The following PBRM1 variants were observed in gnomAD, a reference collection of about 807,000 sequenced individuals.
PBRM1 encodes polybromo 1.
A neutral mutation model predicts 194.5 loss-of-function variants in PBRM1; 27 were observed. That is an observed-to-expected ratio of 0.14 (90% CI 0.10 to 0.19). PBRM1 has a LOEUF of 0.19. PBRM1 is among the 10% of genes least tolerant of loss of function. The probability of loss-of-function intolerance (pLI) is 1.00; values close to 1 mark genes in which losing one functional copy is unlikely to be tolerated. For synonymous variants in PBRM1, 655 were observed against 693.2 expected (o/e 0.94, Z 0.87); for missense variants, 1,466 against 2,077.2 (o/e 0.71, Z 5.72).
chr3:52,627,509 T>C, intron 12 of PBRM1, 139 bp from the exon 14 acceptor site: 2 of 589,986 alleles, frequency 3.4e-6, no homozygotes, highest in Non-Finnish European at 6.0e-6. Context: ...AAAGAGTCAT[T>C]AAACATTTTC....
chr3:52,659,276 C>G (rs2096669201), intron 4 of PBRM1, among the ~76,000 whole-genome samples: 2 of 152,188 alleles, frequency 1.3e-5, no homozygotes, highest in South Asian at 4.1e-4. Flanking sequence ...TGGAATGTCT[C>G]AGTCAAGGAT....
At chr3:52,577,115 A>T (rs1168663374) in intron 21 of PBRM1, among the ~76,000 whole-genome samples, 1 of 152,198 alleles carries the variant, frequency 6.6e-6, no homozygotes. Flanking sequence ...ACAGTGGTTT[A>T]TAATCTTTTT....
intron 2 of PBRM1, among the ~76,000 whole-genome samples, chr3:52,674,007 C>T (rs1054027876): frequency 1.4e-4 from 20 of 144,120 alleles, no homozygotes; most frequent in Non-Finnish European, 2.6e-4. Context: ...GCCATGATCA[C>T]GCCACTGCAC....
intron 17 of PBRM1, among the ~76,000 whole-genome samples, chr3:52,596,487 T>C (rs1348953142): frequency 8.6e-6 from 1 of 116,396 alleles, no homozygotes; most frequent in African/African-American, 3.6e-5. Flanking sequence ...AAAAGAAATG[T>C]ATCCTACAGG....
At chr3:52,574,757 C>T (rs1334267958) in intron 22 of PBRM1, among the ~76,000 whole-genome samples, 2 of 152,284 alleles carry the variant, frequency 1.3e-5, no homozygotes, top group Non-Finnish European at 1.5e-5. Context: ...AGGTGTGCTC[C>T]ACCATACGCA....
chr3:52,608,851 T>TAA (rs942565120), intron 16 of PBRM1, among the ~76,000 whole-genome samples: 17 of 143,716 alleles, frequency 1.2e-4, no homozygotes, highest in African/African-American at 4.1e-4. Context: ...AACCTGAGAT[T>TAA]AAAAAAAAAA....
intron 27 of PBRM1, among the ~76,000 whole-genome samples, chr3:52,551,620 G>C (rs2081004670): frequency 6.6e-6 from 1 of 152,160 alleles, no homozygotes; most frequent in East Asian, 1.9e-4. Context: ...AGGCTCTTTT[G>C]ATTTCAGGGT....
exon 30 of PBRM1, chr3:52,548,150 G>A (rs1180832535): frequency 6.2e-7 from 1 of 1,610,714 alleles, no homozygotes; most frequent in Non-Finnish European, 8.5e-7. Context: ...CATCTGCCAT[G>A]GTGGTGTGGG....
intron 13 of PBRM1, among the ~76,000 whole-genome samples, chr3:52,624,482 G>A (rs921203219): frequency 6.6e-6 from 1 of 152,226 alleles, no homozygotes; most frequent in African/African-American, 2.4e-5. Flanking sequence ...ATGCATAGGT[G>A]TCCACATGCA....
At chr3:52,562,771 G>C (rs531177164) in intron 24 of PBRM1, among the ~76,000 whole-genome samples, 52 of 152,076 alleles carry the variant, frequency 3.4e-4, no homozygotes, top group African/African-American at 1.1e-3. Flanking sequence ...GAACTCCTGA[G>C]CTCAAGTGAT....
intron 4 of PBRM1, among the ~76,000 whole-genome samples, chr3:52,661,369 A>T (rs187143080): frequency 6.6e-5 from 10 of 152,316 alleles, no homozygotes; most frequent in African/African-American, 2.4e-4. Flanking sequence ...CAGCACCTAC[A>T]TGTCAGGTAT....
intron 17 of PBRM1, among the ~76,000 whole-genome samples, chr3:52,600,360 A>C (rs1197521805): frequency 1.3e-5 from 2 of 152,172 alleles, no homozygotes; most frequent in African/African-American, 4.8e-5. Flanking sequence ...AGCTTTGCTC[A>C]TTCTTTTTTA....
In PBRM1 at chr3:52,564,018, G is replaced by A. The variant is rs749156378; in HGVS notation, c.3875+32C>T. 29 of 1,479,372 alleles carry A rather than the reference G, an allele frequency of 2.0e-5. No individual in the cohort carries two copies. The African/African-American group carries it at 3.9e-4, about 20-fold the overall frequency. 91.6% of individuals were successfully genotyped at this position (1,479,372 alleles called of 1,614,324 possible). ...TATGTTGCTATCAGTTAATGGAAGT[G>A]CTCTTTTTTCCTTAAGTTTTTCAAG... is the stretch of plus-strand genomic sequence containing the variant. On this transcript the variant is annotated intron_variant, in intron 23 of 29. Transcript: ENST00000296302.
At chr3:52,635,218 C>T (rs565132213) in intron 10 of PBRM1, among the ~76,000 whole-genome samples, 5 of 152,112 alleles carry the variant, frequency 3.3e-5, no homozygotes, top group South Asian at 2.1e-4. Context: ...TGAGCCACCA[C>T]GCCTGGCCCT....
At chr3:52,658,705 T>C (rs7611731) in intron 4 of PBRM1, among the ~76,000 whole-genome samples, 69,152 of 151,892 alleles carry the variant, frequency 0.46, 16,076 homozygotes, top group Admixed American at 0.52. Context: ...GAAAGCAACT[T>C]CTAAGCAGTA....
chr3:52,635,515 G>A (rs1223134159), intron 10 of PBRM1, among the ~76,000 whole-genome samples: 4 of 152,046 alleles, frequency 2.6e-5, no homozygotes, highest in South Asian at 2.1e-4. Flanking sequence ...GCAGTGAGCC[G>A]AGATTACACC....
At chr3:52,647,767 AAATGGCAACAGGCAAAC>A (rs1360645823) in intron 7 of PBRM1, among the ~76,000 whole-genome samples, 5 of 152,112 alleles carry the variant, frequency 3.3e-5, no homozygotes, top group Non-Finnish European at 5.9e-5. Context: ...CATTTGTGTA[AAATGGCAACAGGCAAAC>A]ACAGAGACTG....
At chr3:52,567,806 GTTTTTTTTTTT>G (rs1163710948) in intron 22 of PBRM1, among the ~76,000 whole-genome samples, 1 of 98,152 alleles carries the variant, frequency 1.0e-5, no homozygotes, top group Non-Finnish European at 2.2e-5. Context: ...TAATTTTTGT[GTTTTTTTTTTT>G]TTTTTTTTTT....
At chr3:52,617,016 T>C (rs2094996340) in intron 14 of PBRM1, among the ~76,000 whole-genome samples, 1 of 152,154 alleles carries the variant, frequency 6.6e-6, no homozygotes. Context: ...TCAGGAAGGA[T>C]AAATTACTTA....
Sources: allele counts gnomAD v4.1 joint callset (sites outside exome capture counted in the v4.1 genomes callset), GRCh38; gene constraint gnomAD v4.1.1; transcripts MANE v1.5; gene names NCBI Gene and HGNC (gene_info 2026-07-23, HGNC 2026-07-21).